The following PTPRM variants were observed in gnomAD, a reference collection of about 807,000 sequenced individuals.
PTPRM encodes the protein protein tyrosine phosphatase receptor type M, also known as receptor-type tyrosine-protein phosphatase mu.
In PTPRM, 47 loss-of-function variants were observed where a neutral mutation model predicts 186.7. That is an observed-to-expected ratio of 0.25 (90% CI 0.20 to 0.32). The LOEUF is 0.32. PTPRM is among the 10% of genes least tolerant of loss of function. PTPRM has a pLI of 1.00. For missense variants in PTPRM, 1,494 were observed against 1,865.0 expected (o/e 0.80, Z 3.66); for synonymous variants, 668 against 674.9 (o/e 0.99, Z 0.16).
At chr18:7,616,482 A>T (rs2037808740) in intron 1 of PTPRM, among the ~76,000 whole-genome samples, 1 of 152,010 alleles carries the variant, frequency 6.6e-6, no homozygotes, top group Non-Finnish European at 1.5e-5. Flanking sequence ...CTCACTCCAC[A>T]CCTGACCAGG....
chr18:7,763,126 C>G (rs1159686493), intron 1 of PTPRM, among the ~76,000 whole-genome samples: 1 of 152,226 alleles, frequency 6.6e-6, no homozygotes, highest in East Asian at 1.9e-4. Context: ...AAGTCATCCC[C>G]TGCACCCCCT....
Position 8,137,183 on chromosome 18 carries a change from C to G in PTPRM, c.2168-6464C>G, listed in dbSNP as rs578214123. ...TCCTCAGCTTTTCTTTTCAGCAGTT[C>G]CCATTGTTACTGTCCTTAGCCCCTT... On this transcript the variant is annotated intron_variant, in intron 13 of 32. Transcript: ENST00000580170. 7.9e-5 allele frequency among the ~76,000 whole-genome samples: 12 copies of G among 152,298 alleles called. No individual in the cohort carries two copies. The South Asian group carries it at 2.3e-3, about 29-fold the overall frequency.
chr18:8,289,601 TAC>T (rs1391866370), intron 19 of PTPRM, among the ~76,000 whole-genome samples: 2,842 of 96,652 alleles, frequency 0.029, 82 homozygotes, highest in African/African-American at 0.05. Context: ...CATATATATA[TAC>T]ACACATATAT....
chr18:7,889,993 T>C (rs1012340933), intron 3 of PTPRM, among the ~76,000 whole-genome samples: 1 of 152,234 alleles, frequency 6.6e-6, no homozygotes, highest in Non-Finnish European at 1.5e-5. Flanking sequence ...CGTCACGTCC[T>C]GTCTGCCCTT....
intron 1 of PTPRM, among the ~76,000 whole-genome samples, chr18:7,627,766 G>A (rs928468609): frequency 6.6e-6 from 1 of 152,140 alleles, no homozygotes; most frequent in Admixed American, 6.5e-5. Flanking sequence ...GAGTAGAGCT[G>A]AACTTTAACT....
chr18:7,719,123 T>C (rs182487971), intron 1 of PTPRM, among the ~76,000 whole-genome samples: 354 of 152,332 alleles, frequency 2.3e-3, no homozygotes, highest in Non-Finnish European at 4.4e-3. Flanking sequence ...TAATTTGCGA[T>C]TGTAAAAATA....
intron 1 of PTPRM, among the ~76,000 whole-genome samples, chr18:7,604,594 A>T (rs906256205): frequency 1.1e-4 from 17 of 152,266 alleles, no homozygotes; most frequent in Non-Finnish European, 8.8e-5. Context: ...GGTGATGCTG[A>T]ATTTATGAAT....
At chr18:7,569,065 A>T (rs1045203104) in intron 1 of PTPRM, among the ~76,000 whole-genome samples, 1 of 152,292 alleles carries the variant, frequency 6.6e-6, no homozygotes, top group Non-Finnish European at 1.5e-5. Context: ...GGAACAAGTG[A>T]GTTGAATGAG....
intron 7 of PTPRM, among the ~76,000 whole-genome samples, chr18:8,023,124 G>C (rs528170635): frequency 6.6e-6 from 1 of 152,202 alleles, no homozygotes; most frequent in African/African-American, 2.4e-5. Context: ...GGAAGGACAA[G>C]AGCCAGGGCA....
At chr18:8,015,770 T>C (rs1329751467) in intron 7 of PTPRM, among the ~76,000 whole-genome samples, 1 of 152,192 alleles carries the variant, frequency 6.6e-6, no homozygotes, top group African/African-American at 2.4e-5. Context: ...TTTATCATTT[T>C]TAAACCTTTT....
intron 2 of PTPRM, among the ~76,000 whole-genome samples, chr18:7,878,261 A>G (rs1052951172): frequency 5.3e-5 from 8 of 152,226 alleles, no homozygotes; most frequent in African/African-American, 1.9e-4. Context: ...CAGATTACTT[A>G]AATTCCAGAC....
At chr18:8,164,161 A>AT (rs1280069418) in intron 14 of PTPRM, among the ~76,000 whole-genome samples, 2 of 152,202 alleles carry the variant, frequency 1.3e-5, no homozygotes, top group Admixed American at 1.3e-4. Context: ...ACCTCACTGG[A>AT]TGAGACTGTG....
chr18:7,972,835 G>T (rs139713787), intron 7 of PTPRM, among the ~76,000 whole-genome samples: 1 of 152,006 alleles, frequency 6.6e-6, no homozygotes, highest in Non-Finnish European at 1.5e-5. Flanking sequence ...AATCATCATC[G>T]TTAATCCTTT....
chr18:8,398,944 G>C (rs2095858177), intron 32 of PTPRM, among the ~76,000 whole-genome samples: 1 of 152,164 alleles, frequency 6.6e-6, no homozygotes, highest in South Asian at 2.1e-4. Flanking sequence ...GTTTCTTTCT[G>C]AGGTGATGGG....
In PTPRM at chr18:7,995,436, A is replaced by G. The variant is rs2083483744; in HGVS notation, c.1132+40022A>G. 2.0e-5 allele frequency: 3 copies of G among 152,212 alleles called. No homozygotes were observed. In the South Asian group the frequency reaches 6.2e-4, roughly 32 times the overall value. 9.4% of individuals were successfully genotyped at this position (152,212 alleles called of 1,614,324 possible). A position where few individuals can be genotyped will look rare whatever the true frequency, so the allele number is the denominator to read the frequency against. Reference sequence around the variant, plus strand: ...TCCTAACTCATTGTAATAGACAAGCATAACCCTGATACCAAAACCAGACAA... The same window carrying G: ...TCCTAACTCATTGTAATAGACAAGCGTAACCCTGATACCAAAACCAGACAA... On this transcript the variant is annotated intron_variant, in intron 7 of 32. Coordinates refer to ENST00000580170, the MANE Select transcript of PTPRM (RefSeq NM_001105244.2).
intron 21 of PTPRM, 100 bp downstream of exon 21, chr18:8,314,957 T>C (rs2095297743): frequency 4.0e-6 from 3 of 752,214 alleles, no homozygotes; most frequent in South Asian, 1.9e-5. Context: ...AATGATTAAA[T>C]CAGAGTATAA....
At chr18:8,075,883 T>C (rs2089780544) in intron 8 of PTPRM, among the ~76,000 whole-genome samples, 2 of 152,144 alleles carry the variant, frequency 1.3e-5, no homozygotes, top group South Asian at 4.1e-4. Flanking sequence ...ATATAACTGT[T>C]ACTTACTTTC....
At chr18:8,395,711 G>A (rs759787947) in intron 32 of PTPRM, among the ~76,000 whole-genome samples, 28 of 152,292 alleles carry the variant, frequency 1.8e-4, no homozygotes, top group Admixed American at 7.2e-4. Context: ...AGAAGGGGCA[G>A]AAAGGACTGT....
intron 7 of PTPRM, among the ~76,000 whole-genome samples, chr18:8,045,369 T>C (rs2086974889): frequency 6.6e-6 from 1 of 152,136 alleles, no homozygotes; most frequent in Non-Finnish European, 1.5e-5. Flanking sequence ...AACACGAATG[T>C]TCACAGCAAC....
Sources: gnomAD v4.1 joint callset for allele counts (sites outside exome capture counted in the v4.1 genomes callset) on GRCh38, gnomAD v4.1.1 for gene constraint, MANE v1.5 for transcripts, NCBI Gene and HGNC (gene_info 2026-07-23, HGNC 2026-07-21) for gene names.